Variants in FAM227A observed in about 807,000 individuals in gnomAD.
The protein encoded by FAM227A is protein FAM227A.
Under a neutral mutation model 74.7 loss-of-function variants are expected in FAM227A, and 80 were observed. That is an observed-to-expected ratio of 1.07 (90% CI 0.89 to 1.29). The LOEUF (loss-of-function observed/expected upper bound fraction) is 1.29. FAM227A is among the 50% of genes most tolerant of loss of function. The probability of loss-of-function intolerance (pLI) is 0.00; values close to 1 mark genes in which losing one functional copy is unlikely to be tolerated. For missense variants in FAM227A, 654 were observed against 683.4 expected, an observed-to-expected ratio of 0.96 and a Z score of 0.48; for synonymous variants, 237 against 241.8, an observed-to-expected ratio of 0.98 and a Z score of 0.19.
At chr22:38,649,390 C>T (rs1407301376) in intron 2 of FAM227A, among the ~76,000 whole-genome samples, 1 of 151,690 alleles carries the variant, frequency 6.6e-6, no homozygotes, top group Non-Finnish European at 1.5e-5. Context: ...CATGGTGAAA[C>T]CCCATCTCTA....
chr22:38,600,734 G>A (rs752412419), intron 13 of FAM227A, among the ~76,000 whole-genome samples: 5 of 151,824 alleles, frequency 3.3e-5, no homozygotes, highest in Non-Finnish European at 5.9e-5. Context: ...GAAGCAGATC[G>A]CAAGATCAAG....
Position 38,632,132 on chromosome 22 carries a change from C to A in FAM227A, c.520-3197G>T, listed in dbSNP as rs552849964. On this transcript the variant is annotated intron_variant, in intron 6 of 16. Coordinates refer to ENST00000535113, the MANE Select transcript of FAM227A (RefSeq NM_001013647.2). The stretch of plus-strand genomic sequence containing the variant: ...GATGGGTATGAGAGCCTGAGGGGCA[C>A]TGAGGTTAGATAGAGGCAGAGGGAT... Among the ~76,000 whole-genome samples, 13 of 152,158 alleles carry A rather than the reference C, an allele frequency of 8.5e-5. No individual in the cohort carries two copies. In the South Asian group the frequency reaches 2.1e-3, roughly 24 times the overall value.
chr22:38,603,722 C>A (rs1030802201), intron 13 of FAM227A, among the ~76,000 whole-genome samples: 4 of 152,030 alleles, frequency 2.6e-5, no homozygotes, highest in Non-Finnish European at 4.4e-5. Context: ...AAACATCAGG[C>A]CCCCAGAGGT....
At chr22:38,645,920 A>G (rs541904468) in intron 2 of FAM227A, among the ~76,000 whole-genome samples, 7 of 152,120 alleles carry the variant, frequency 4.6e-5, no homozygotes, top group Non-Finnish European at 8.8e-5. Flanking sequence ...AGTAGCTGGG[A>G]CTACTGGCGC....
At chr22:38,610,683 G>A (rs759654697) in intron 11 of FAM227A, among the ~76,000 whole-genome samples, 21 of 152,004 alleles carry the variant, frequency 1.4e-4, no homozygotes, top group Non-Finnish European at 2.4e-4. Flanking sequence ...CAACAAGAGC[G>A]AAACTGCATC....
At chr22:38,628,215 T>G (rs1431846670) in intron 8 of FAM227A, 23 bp downstream of exon 8, 32 of 1,398,934 alleles carry the variant, frequency 2.3e-5, no homozygotes, top group Non-Finnish European at 2.8e-5. Flanking sequence ...TGACTTTTTT[T>G]CTAGATAGTG....
In FAM227A at chr22:38,607,482, G is replaced by A; in HGVS notation, c.1039-6C>T. 6.5e-7 allele frequency: 1 copy of A among 1,536,132 alleles called. No individual in the cohort carries two copies. Among genetic ancestry groups the A allele is most frequent in the South Asian group, 1.2e-5 (1 of 83,726 alleles). On this transcript the variant is annotated splice_region_variant and splice_polypyrimidine_tract_variant and intron_variant, in intron 11 of 16. Transcript: ENST00000535113. ...GGTGAATTTGCACTAGAAGACTTCA[G>A]GAGACAAGAGAGAGAAAGAGAGGGA... is the stretch of plus-strand genomic sequence containing the variant.
At chr22:38,623,531 C>T (rs977567834) in intron 9 of FAM227A, among the ~76,000 whole-genome samples, 1 of 152,184 alleles carries the variant, frequency 6.6e-6, no homozygotes, top group African/African-American at 2.4e-5. Flanking sequence ...CTGTCCCATG[C>T]TAGCCTTGTG....
intron 6 of FAM227A, 77 bp downstream of exon 6, chr22:38,636,374 C>G: frequency 6.8e-7 from 1 of 1,475,956 alleles, no homozygotes; most frequent in Non-Finnish European, 9.1e-7. Context: ...CTCAGTTTCT[C>G]CTGGGGTGTG....
intron 6 of FAM227A, among the ~76,000 whole-genome samples, chr22:38,634,184 A>G (rs912060704): frequency 1.8e-4 from 26 of 146,770 alleles, no homozygotes; most frequent in Non-Finnish European, 3.6e-4. Flanking sequence ...ACTGTGCAAC[A>G]GCACTCCAGC....
chr22:38,628,659 C>G (rs1341321501), intron 7 of FAM227A, among the ~76,000 whole-genome samples, 175 bp downstream of exon 7: 3 of 152,130 alleles, frequency 2.0e-5, no homozygotes, highest in African/African-American at 4.8e-5. Context: ...TGTGCAATGG[C>G]TGAAGCACAG....
At chr22:38,644,728 G>A (rs5995603) in intron 3 of FAM227A, among the ~76,000 whole-genome samples, 41,133 of 152,076 alleles carry the variant, frequency 0.27, 5,677 homozygotes, top group East Asian at 0.36. Context: ...ATGCGCAGGA[G>A]CAGAGGGTGT....
intron 1 of FAM227A, among the ~76,000 whole-genome samples, chr22:38,651,088 C>A (rs1257660983): frequency 5.9e-5 from 9 of 152,174 alleles, no homozygotes; most frequent in African/African-American, 2.2e-4. Context: ...GCCAGACCCG[C>A]AGAACTTCTT....
intron 11 of FAM227A, 64 bp downstream of exon 11, chr22:38,620,148 G>T: frequency 8.7e-7 from 1 of 1,151,062 alleles, no homozygotes; most frequent in Non-Finnish European, 1.3e-6. Flanking sequence ...TGCTCCAGAA[G>T]AACCGAGGGT....
At chr22:38,612,853 T>C (rs2091445174) in intron 11 of FAM227A, among the ~76,000 whole-genome samples, 1 of 151,198 alleles carries the variant, frequency 6.6e-6, no homozygotes, top group African/African-American at 2.4e-5. Flanking sequence ...CTTGGCAGCA[T>C]GGCCTCTGAA....
Position 38,585,957 on chromosome 22 carries a change from T to C in FAM227A, c.*168A>G. ...AAGCACCAACTCTCTACTCCTGCTT[T>C]TCACTCAGCCTAGGAAAAACTACAA... On this transcript the variant is annotated 3_prime_UTR_variant, in exon 17 of 17. Coordinates refer to ENST00000535113, the MANE Select transcript of FAM227A (RefSeq NM_001013647.2). The C allele has an allele frequency of 6.8e-7, 1 of 1,467,428 alleles. No individual in the cohort carries two copies. The highest frequency in any genetic ancestry group is 2.5e-5 in the East Asian group (1 of 40,276). The allele number at this position is 1,467,428 out of a possible 1,614,324, so 90.9% of individuals were successfully genotyped here. A position where few individuals can be genotyped will look rare whatever the true frequency, so the allele number is the denominator to read the frequency against.
In FAM227A at chr22:38,607,466, G is replaced by T; in HGVS notation, c.1049C>A (p.Ala350Glu). The change falls in exon 12 of 17, where the codon GCA becomes GAA. Residue 350 changes from alanine to glutamate, a missense_variant. Coordinates refer to ENST00000535113, the MANE Select transcript of FAM227A (RefSeq NM_001013647.2). Reference sequence around the variant, plus strand: ...AGAGGTTTTTTCACTGGGTGAATTTGCACTAGAAGACTTCAGGAGACAAGA... The same window carrying T: ...AGAGGTTTTTTCACTGGGTGAATTTTCACTAGAAGACTTCAGGAGACAAGA... Reference protein sequence around the residue: ...RKFYHPQSSSANSPSEKTSSA... With the variant: ...RKFYHPQSSSENSPSEKTSSA... The T allele has an allele frequency of 6.5e-7, 1 of 1,550,138 alleles. No homozygotes were observed. The highest frequency in any genetic ancestry group is 8.7e-7 in the Non-Finnish European group (1 of 1,145,646).
At chr22:38,617,581 C>T (rs563612467) in intron 11 of FAM227A, among the ~76,000 whole-genome samples, 3 of 152,190 alleles carry the variant, frequency 2.0e-5, no homozygotes, top group Non-Finnish European at 4.4e-5. Context: ...AGGCGTGAGC[C>T]TCCACACCCG....
intron 13 of FAM227A, among the ~76,000 whole-genome samples, chr22:38,601,991 A>G (rs933643023): frequency 6.6e-6 from 1 of 152,210 alleles, no homozygotes; most frequent in African/African-American, 2.4e-5. Context: ...TTTTTCCAAA[A>G]ATGACAATAC....
Sources: allele counts gnomAD v4.1 joint callset (sites outside exome capture counted in the v4.1 genomes callset), GRCh38; gene constraint gnomAD v4.1.1; transcripts MANE v1.5; gene names NCBI Gene and HGNC (gene_info 2026-07-23, HGNC 2026-07-21).